SEPTIN9: variants seen among roughly 807,000 people sequenced by gnomAD.
SEPTIN9 encodes septin-9.
SEPTIN9 carries 13 observed loss-of-function variants against 56.6 expected under a neutral mutation model. The ratio of observed to expected loss-of-function variants is 0.23; its 90% CI spans 0.15 to 0.37. SEPTIN9 has a LOEUF of 0.37. SEPTIN9 is among the 10% of genes least tolerant of loss of function. The pLI is 1.00. For synonymous variants in SEPTIN9, 332 were observed against 334.1 expected (o/e 0.99, Z 0.07); for missense variants, 650 against 823.1 (o/e 0.79, Z 2.57).
chr17:77,431,628 A>C (rs1445151076), intron 3 of SEPTIN9, among the ~76,000 whole-genome samples: 1 of 152,118 alleles, frequency 6.6e-6, no homozygotes, highest in Non-Finnish European at 1.5e-5. Context: ...CACGAGTTTG[A>C]GACCAGCCTG....
chr17:77,467,799 T>A (rs1442048821), intron 3 of SEPTIN9, among the ~76,000 whole-genome samples: 1 of 152,190 alleles, frequency 6.6e-6, no homozygotes, highest in Non-Finnish European at 1.5e-5. Context: ...GCTGCCCCCA[T>A]GCTGGTCTGG....
At chr17:77,345,155 G>T (rs1598224257) in intron 2 of SEPTIN9, among the ~76,000 whole-genome samples, 1 of 152,076 alleles carries the variant, frequency 6.6e-6, no homozygotes, top group African/African-American at 2.4e-5. Context: ...GGTTGCCAGA[G>T]GCTGGGGGAA....
intron 1 of SEPTIN9, among the ~76,000 whole-genome samples, chr17:77,290,403 A>G (rs143346787): frequency 0.18 from 27,614 of 150,870 alleles, 3,391 homozygotes; most frequent in African/African-American, 0.35. Flanking sequence ...GACTACAGGC[A>G]CCCGCCCCCA....
At position 77,488,736 on chromosome 17, in the gene SEPTIN9, C is replaced by T. The variant is rs776882724; in HGVS notation, c.1134C>T (p.Pro378=). 10 of 1,613,688 alleles carry T rather than the reference C, an allele frequency of 6.2e-6. No individual in the cohort carries two copies. The highest frequency in any genetic ancestry group is 1.1e-5 in the South Asian group (1 of 91,088). ...DHINNENCWQ[P]IMKFINDQYE... is the part of the protein sequence containing the mutation. Reference sequence around the variant, plus strand: ...CCCATCCCCCACGCAGCTGGCAGCCCATCATGAAGTTCATCAATGACCAGT... The same window carrying T: ...CCCATCCCCCACGCAGCTGGCAGCCTATCATGAAGTTCATCAATGACCAGT... The change falls in exon 7 of 12, where the codon CCC becomes CCT. Residue 378 remains proline, a synonymous_variant. Transcript: ENST00000427177.
At chr17:77,428,830 G>A (rs753785548) in intron 3 of SEPTIN9, 35 of 378,006 alleles carry the variant, frequency 9.3e-5, no homozygotes, top group East Asian at 7.4e-5. Context: ...GAAGGAGGGA[G>A]GTTAGAGCCA....
chr17:77,488,758 C>T lies in SEPTIN9; in HGVS notation c.1156C>T (p.Gln386Ter). The change falls in exon 7 of 12, where the codon CAG becomes TAG. Residue 386 changes from glutamine (Q) to a stop codon, truncating the protein, a stop_gained. Transcript: ENST00000427177. LOFTEE classifies it high-confidence loss of function. Reference sequence around the variant, plus strand: ...GCCCATCATGAAGTTCATCAATGACCAGTACGAGAAATACCTGCAGGAGGA... The same window carrying T: ...GCCCATCATGAAGTTCATCAATGACTAGTACGAGAAATACCTGCAGGAGGA... ...WQPIMKFIND[Q>*]YEKYLQEEVN... is the part of the protein sequence containing the mutation. 1 of 1,613,902 alleles carries T rather than the reference C, an allele frequency of 6.2e-7. No individual in the cohort carries two copies. The highest frequency in any genetic ancestry group is 8.5e-7 in the Non-Finnish European group (1 of 1,179,972).
At chr17:77,287,967 T>C (rs1292309709) in intron 1 of SEPTIN9, 1 of 1,053,996 alleles carries the variant, frequency 9.5e-7, no homozygotes, top group Non-Finnish European at 1.1e-6. Context: ...CAGAGCGGTG[T>C]TGGCCCGGGG....
rs950490270 is a variant in SEPTIN9, at chr17:77,449,029, C to A, written c.722-33115C>A. The stretch of plus-strand genomic sequence containing the variant: ...GAACTCCTGACCTCAGGTGATCTGC[C>A]CACCTCAGCCTCCCAAAGTGCTGGT... On this transcript the variant is annotated intron_variant, in intron 3 of 11. Transcript: ENST00000427177. This position sits in a 1 kb window ranked among gnomAD's most constrained non-coding sequence, Gnocchi z 4.6. Among the ~76,000 whole-genome samples the A allele has an allele frequency of 4.6e-5, 7 of 152,240 alleles. No individual in the cohort carries two copies. Among genetic ancestry groups the A allele is most frequent in the Admixed American group, 3.3e-4 (5 of 15,292 alleles).
intron 2 of SEPTIN9, among the ~76,000 whole-genome samples, chr17:77,390,483 G>C (rs1308721430): frequency 2.6e-5 from 3 of 114,476 alleles, no homozygotes; most frequent in African/African-American, 7.1e-5. Flanking sequence ...ACGGAGTCTC[G>C]CTCTGTCGCC....
chr17:77,320,378 G>A (rs962091770), intron 2 of SEPTIN9: 10 of 1,582,138 alleles, frequency 6.3e-6, no homozygotes, highest in African/African-American at 4.0e-5. Flanking sequence ...CCCATCGGCC[G>A]CCCCCCACTG....
chr17:77,353,898 G>A (rs1341604846), intron 2 of SEPTIN9, among the ~76,000 whole-genome samples: 1 of 152,154 alleles, frequency 6.6e-6, no homozygotes, highest in Non-Finnish European at 1.5e-5. Context: ...GCATGTGTGT[G>A]CACACATGTA....
At position 77,360,943 on chromosome 17, in the gene SEPTIN9, C is replaced by T. The variant is rs188455660; in HGVS notation, c.77-41116C>T. ...TTTTTTTTTTTTTTTTTTTTTGAGACGGGGTCTCTCTCTGTTGCCCCCCAG... is the reference window on the plus strand; with the variant it reads ...TTTTTTTTTTTTTTTTTTTTTGAGATGGGGTCTCTCTCTGTTGCCCCCCAG... On this transcript the variant is annotated intron_variant, in intron 2 of 11. Coordinates refer to ENST00000427177, the MANE Select transcript of SEPTIN9 (RefSeq NM_001113491.2). 1.7e-3 allele frequency among the ~76,000 whole-genome samples: 172 copies of T among 99,504 alleles called. 1 individual carries two copies. Among genetic ancestry groups the T allele is most frequent in the Middle Eastern group, 0.01 (1 of 100 alleles). 65.3% of individuals were successfully genotyped at this position (99,504 alleles called of 152,430 possible).
At chr17:77,430,346 G>A (rs866010882) in intron 3 of SEPTIN9, among the ~76,000 whole-genome samples, 10 of 152,144 alleles carry the variant, frequency 6.6e-5, no homozygotes, top group Admixed American at 3.9e-4. Context: ...CACCCCCAGC[G>A]GCTCCCTCCC....
intron 2 of SEPTIN9, among the ~76,000 whole-genome samples, chr17:77,359,440 A>T (rs913306670): frequency 8.5e-5 from 13 of 152,206 alleles, no homozygotes; most frequent in African/African-American, 3.1e-4. Flanking sequence ...GGAGCCACAA[A>T]TGCTTGGCTG....
chr17:77,460,386 G>A (rs2038414804), intron 3 of SEPTIN9, among the ~76,000 whole-genome samples: 2 of 152,132 alleles, frequency 1.3e-5, no homozygotes, highest in African/African-American at 2.4e-5. Context: ...AGGACTGCTG[G>A]GGAGGAAAGA....
chr17:77,459,545 T>TA (rs148844502), intron 3 of SEPTIN9, among the ~76,000 whole-genome samples: 6,948 of 151,874 alleles, frequency 0.046, 326 homozygotes, highest in South Asian at 0.14. Context: ...TGAGTTGCTA[T>TA]AAGGAATAGC....
At chr17:77,427,962 A>T (rs312895) in intron 3 of SEPTIN9, among the ~76,000 whole-genome samples, 25,132 of 152,120 alleles carry the variant, frequency 0.17, 5,428 homozygotes, top group African/African-American at 0.49. Context: ...AGGCCCAGTT[A>T]GCCTGGTTTT....
At chr17:77,299,241 G>A (rs1307995453) in intron 1 of SEPTIN9, among the ~76,000 whole-genome samples, 1 of 152,148 alleles carries the variant, frequency 6.6e-6, no homozygotes, top group Non-Finnish European at 1.5e-5. Flanking sequence ...TAAAGGCCAG[G>A]CTTTGGTCAG....
intron 3 of SEPTIN9, chr17:77,442,085 G>T (rs2037566271): frequency 6.6e-6 from 1 of 152,230 alleles, no homozygotes; most frequent in Admixed American, 6.5e-5. Flanking sequence ...TGACTCAAAA[G>T]AGCAGGTAGA....
Sources: allele counts gnomAD v4.1 joint callset (sites outside exome capture counted in the v4.1 genomes callset), GRCh38; gene constraint gnomAD v4.1.1; non-coding constraint Gnocchi (gnomAD v3.1); transcripts MANE v1.5; gene names NCBI Gene and HGNC (gene_info 2026-07-23, HGNC 2026-07-21).